The following FRK variants were observed in gnomAD, a reference collection of about 807,000 sequenced individuals.
The protein encoded by FRK is tyrosine-protein kinase FRK.
A neutral mutation model predicts 56.4 loss-of-function variants in FRK; 51 were observed. The observed-to-expected ratio is 0.90, with a 90% CI of 0.72 to 1.14. The LOEUF (loss-of-function observed/expected upper bound fraction) is 1.14. Among genes scored for constraint, FRK ranks in the 50% most tolerant of loss-of-function variants. FRK has a pLI of 0.00. For missense variants in FRK, 570 were observed against 601.4 expected (o/e 0.95, Z 0.55); for synonymous variants, 245 against 217.9 (o/e 1.12, Z -1.10).
chr6:116,074,016 C>T, the FRK span, among the ~76,000 whole-genome samples: 34 of 152,274 alleles, frequency 2.2e-4, no homozygotes, highest in South Asian at 4.4e-3. Flanking sequence ...TAAATTACCC[C>T]TGCATGATCA....
At chr6:116,014,615 G>A (rs1242439989) in intron 1 of FRK, among the ~76,000 whole-genome samples, 1 of 151,622 alleles carries the variant, frequency 6.6e-6, no homozygotes, top group East Asian at 1.9e-4. Context: ...ATTCCATGTG[G>A]AAACTAACTC....
chr6:115,937,004 A>C lies in FRK; in HGVS notation c.*5410T>G, dbSNP rs1163454124. ...CACAAAGATACTCCTCGAGCAGAGC[A>C]ACCCCAAGACATATAATCGTCATAT... On this transcript the variant is annotated 3_prime_UTR_variant, in exon 8 of 8. Coordinates refer to ENST00000606080, the MANE Select transcript of FRK (RefSeq NM_002031.3). 6.6e-6 allele frequency: 1 copy of C among 152,218 alleles called. No homozygotes were observed. Among genetic ancestry groups the C allele is most frequent in the African/African-American group, 2.4e-5 (1 of 41,458 alleles). The allele number at this position is 152,218 out of a possible 1,614,324, so 9.4% of individuals were successfully genotyped here. A position where few individuals can be genotyped will look rare whatever the true frequency, so the allele number is the denominator to read the frequency against.
At chr6:115,956,385 A>AT (rs1772991405) in intron 5 of FRK, 67 bp downstream of exon 5, 1 of 1,237,522 alleles carries the variant, frequency 8.1e-7, no homozygotes, top group Non-Finnish European at 1.1e-6. Flanking sequence ...GGCTTGCTAA[A>AT]TTGACACTTA....
chr6:115,984,646 A>G (rs1774323793), intron 2 of FRK, among the ~76,000 whole-genome samples: 1 of 151,384 alleles, frequency 6.6e-6, no homozygotes, highest in Non-Finnish European at 1.5e-5. Context: ...ATGAGTTTTG[A>G]TGTTTATTCC....
At chr6:116,056,486 T>A (rs1777404869) in intron 1 of FRK, among the ~76,000 whole-genome samples, 1 of 152,188 alleles carries the variant, frequency 6.6e-6, no homozygotes, top group Non-Finnish European at 1.5e-5. Flanking sequence ...AAAAACTTTT[T>A]AAACTCTTTG....
At chr6:116,004,190 A>AT (rs958176769) in intron 1 of FRK, among the ~76,000 whole-genome samples, 192 bp from the exon 2 acceptor site, 14 of 151,410 alleles carry the variant, frequency 9.2e-5, no homozygotes, top group Non-Finnish European at 1.5e-4. Context: ...ACCAACATTT[A>AT]TTTTTTTTTA....
the FRK span, among the ~76,000 whole-genome samples, chr6:116,090,975 T>C: frequency 7.9e-5 from 12 of 152,240 alleles, no homozygotes; most frequent in African/African-American, 2.9e-4. Context: ...CTCTACCATT[T>C]GAGATTTTTT....
At chr6:116,026,386 A>G (rs911609846) in intron 1 of FRK, among the ~76,000 whole-genome samples, 2 of 152,080 alleles carry the variant, frequency 1.3e-5, no homozygotes, top group African/African-American at 4.8e-5. Context: ...AATTGTACTA[A>G]TGTAAAAAGC....
the FRK span, among the ~76,000 whole-genome samples, chr6:116,083,362 A>G: frequency 2.6e-3 from 389 of 150,852 alleles, 10 homozygotes; most frequent in South Asian, 0.045. Context: ...TTTGCATGGG[A>G]AAAAAAAAGC....
chr6:115,991,694 T>A (rs903032277), intron 2 of FRK, among the ~76,000 whole-genome samples: 6 of 152,022 alleles, frequency 3.9e-5, no homozygotes, highest in African/African-American at 1.2e-4. Context: ...TTGAGGATTT[T>A]TGTATCCATG....
the FRK span, among the ~76,000 whole-genome samples, chr6:116,072,027 G>A: frequency 6.6e-6 from 1 of 152,162 alleles, no homozygotes; most frequent in African/African-American, 2.4e-5. Flanking sequence ...TGTTGAGGAT[G>A]TAGTCATGAA....
At chr6:115,985,256 C>T (rs367557745) in intron 2 of FRK, among the ~76,000 whole-genome samples, 1 of 152,130 alleles carries the variant, frequency 6.6e-6, no homozygotes, top group Admixed American at 6.6e-5. Context: ...CAAAACCCCA[C>T]ACAAATAGCA....
At chr6:116,028,542 G>A (rs1013317796) in intron 1 of FRK, among the ~76,000 whole-genome samples, 3 of 152,114 alleles carry the variant, frequency 2.0e-5, no homozygotes, top group Non-Finnish European at 4.4e-5. Context: ...GGTCAGTGAG[G>A]GAAAATCTGT....
intron 2 of FRK, among the ~76,000 whole-genome samples, chr6:115,978,831 T>G (rs1774085806): frequency 6.6e-6 from 1 of 152,146 alleles, no homozygotes; most frequent in Non-Finnish European, 1.5e-5. Context: ...ATATTTTTTG[T>G]TATTATTTGA....
At chr6:116,083,610 G>A in the FRK span, among the ~76,000 whole-genome samples, 1 of 152,068 alleles carries the variant, frequency 6.6e-6, no homozygotes. Flanking sequence ...AGTACAGATT[G>A]CTGGGCCCGA....
Position 116,060,274 on chromosome 6 carries a change from T to C in FRK, c.38A>G (p.Glu13Gly). ...NICQRLWEYL[E>G]PYLPCLSTEA... ...CGTGGACAAACAGGGGAGATAGGGT[T>C]CTAGGTACTCCCAGAGCCTCTGACA... Residue 13 changes from glutamate (E) to glycine (G), a missense_variant, in exon 1 of 8, where the codon GAA (glutamate) becomes GGA (glycine). Coordinates refer to ENST00000606080, the MANE Select transcript of FRK (RefSeq NM_002031.3). The C allele has an allele frequency of 1.9e-6, 3 of 1,614,088 alleles. No individual in the cohort carries two copies. The highest frequency in any genetic ancestry group is 2.5e-6 in the Non-Finnish European group (3 of 1,179,996).
At chr6:116,039,542 A>T in intron 1 of FRK, 1 of 1,020,668 alleles carries the variant, frequency 9.8e-7, no homozygotes, top group Non-Finnish European at 1.6e-6. Context: ...GGGACTAAGC[A>T]GCCCAGAAGC....
chr6:116,039,367 AT>A, intron 1 of FRK: 1 of 1,491,446 alleles, frequency 6.7e-7, no homozygotes, highest in African/African-American at 1.4e-5. Context: ...ACCCGTATCC[AT>A]TTATGGAGGC....
chr6:115,976,373 T>TTAAAAGACAGAAATTCCAG (rs1477334492), intron 2 of FRK, among the ~76,000 whole-genome samples: 30 of 152,240 alleles, frequency 2.0e-4, no homozygotes, highest in African/African-American at 7.2e-4. Flanking sequence ...AATTAGATTT[T>TTAAAAGACAGAAATTCCAG]TAAAAGACAG....
Sources: allele counts gnomAD v4.1 joint callset (sites outside exome capture counted in the v4.1 genomes callset), GRCh38; gene constraint gnomAD v4.1.1; transcripts MANE v1.5; gene names NCBI Gene and HGNC (gene_info 2026-07-23, HGNC 2026-07-21).